The following PSD3 variants were observed in gnomAD, a reference collection of about 807,000 sequenced individuals.
PSD3 encodes the protein PH and SEC7 domain-containing protein 3.
Under a neutral mutation model 105.5 loss-of-function variants are expected in PSD3, and 49 were observed. The observed-to-expected ratio is 0.46, with a 90% CI of 0.37 to 0.59. The LOEUF (loss-of-function observed/expected upper bound fraction) is 0.59, where lower values mean the gene tolerates loss of function less well. Ranked by LOEUF, PSD3 falls within the 20% of genes least tolerant of loss-of-function variation. The pLI, the probability that PSD3 is intolerant of heterozygous loss-of-function variation, is 0.00. For synonymous variants in PSD3, 557 were observed against 457.8 expected, an observed-to-expected ratio of 1.22 and a Z score of -2.77; for missense variants, 1,561 against 1,263.8, an observed-to-expected ratio of 1.24 and a Z score of -3.57.
intron 2 of PSD3, among the ~76,000 whole-genome samples, chr8:18,904,301 G>A (rs1352728191): frequency 6.6e-6 from 1 of 152,154 alleles, no homozygotes; most frequent in African/African-American, 2.4e-5. Context: ...CAACCTTATA[G>A]ACCCCAGGAT....
chr8:18,577,811 C>T (rs1303814498), intron 12 of PSD3, among the ~76,000 whole-genome samples: 6 of 152,078 alleles, frequency 3.9e-5, no homozygotes, highest in African/African-American at 1.2e-4. Flanking sequence ...TTAGATTATA[C>T]ATTCTGAGTC....
At chr8:19,044,261 C>A (rs1399499679) in intron 1 of PSD3, among the ~76,000 whole-genome samples, 1 of 152,186 alleles carries the variant, frequency 6.6e-6, no homozygotes, top group East Asian at 1.9e-4. Flanking sequence ...TGAATTACTG[C>A]TCCGGTCTCC....
At chr8:19,067,937 T>G (rs1245315958) in intron 1 of PSD3, among the ~76,000 whole-genome samples, 2 of 152,202 alleles carry the variant, frequency 1.3e-5, no homozygotes, top group South Asian at 4.1e-4. Context: ...GTGGGACCCT[T>G]GTGGGTACGA....
chr8:18,963,452 C>T (rs542056225), intron 1 of PSD3, among the ~76,000 whole-genome samples: 27 of 152,284 alleles, frequency 1.8e-4, no homozygotes, highest in African/African-American at 4.8e-4. Context: ...AGAATCTTAG[C>T]ATTTTCTCTT....
At chr8:18,995,174 C>T (rs1826008076) in intron 1 of PSD3, among the ~76,000 whole-genome samples, 1 of 152,158 alleles carries the variant, frequency 6.6e-6, no homozygotes, top group Non-Finnish European at 1.5e-5. Context: ...AAATTGGCCC[C>T]AGTACTGGGA....
chr8:18,762,373 C>T (rs1320950137), intron 9 of PSD3, among the ~76,000 whole-genome samples: 1 of 152,190 alleles, frequency 6.6e-6, no homozygotes, highest in Non-Finnish European at 1.5e-5. Context: ...CAGATGCCAG[C>T]ATCAGGCTTT....
chr8:18,812,040 G>GAAGCCATAGGAA (rs1203825195), intron 4 of PSD3, among the ~76,000 whole-genome samples: 1 of 151,952 alleles, frequency 6.6e-6, no homozygotes, highest in Non-Finnish European at 1.5e-5. Flanking sequence ...TGTGCCTCTG[G>GAAGCCATAGGAA]GCCATATGAC....
chr8:18,651,606 G>A (rs1808486429), intron 10 of PSD3, among the ~76,000 whole-genome samples: 1 of 152,156 alleles, frequency 6.6e-6, no homozygotes, highest in Non-Finnish European at 1.5e-5. Context: ...TTTCCTTAAA[G>A]AGCTTACAAT....
intron 4 of PSD3, among the ~76,000 whole-genome samples, chr8:18,828,957 C>A (rs1002400277): frequency 1.3e-5 from 2 of 151,992 alleles, no homozygotes; most frequent in Admixed American, 6.6e-5. Flanking sequence ...ATATAAAATT[C>A]AGTTACTAAG....
chr8:18,944,204 G>A (rs1586491050), intron 1 of PSD3, among the ~76,000 whole-genome samples: 1 of 152,152 alleles, frequency 6.6e-6, no homozygotes, highest in African/African-American at 2.4e-5. Flanking sequence ...CTTTCACTTT[G>A]TCCAATTACA....
At chr8:18,914,199 G>GAAAA (rs60489138) in intron 2 of PSD3, among the ~76,000 whole-genome samples, 4 of 138,124 alleles carry the variant, frequency 2.9e-5, no homozygotes, top group Admixed American at 7.2e-5. Flanking sequence ...TCATGATAAA[G>GAAAA]AAAAAAAAAA....
chr8:18,797,972 G>C (rs1335160726), intron 8 of PSD3, among the ~76,000 whole-genome samples: 1 of 152,122 alleles, frequency 6.6e-6, no homozygotes, highest in Non-Finnish European at 1.5e-5. Flanking sequence ...CTAAGGAAAA[G>C]AAGGGTGCAA....
rs182236381 is a variant in PSD3 at position 18,889,113 on chromosome 8, A to C, written c.131-16380T>G. On this transcript the variant is annotated intron_variant, in intron 2 of 15. Coordinates refer to ENST00000327040, the MANE Select transcript of PSD3 (RefSeq NM_015310.4). ...CTTTAGTTAACACTTACTTTGACTA[A>C]CCCCCTAAAACACCATTTCAAAACG... is the stretch of plus-strand genomic sequence containing the variant. Among the ~76,000 whole-genome samples the C allele has an allele frequency of 3.9e-3, 587 of 152,058 alleles. 6 individuals carry two copies. The highest frequency in any genetic ancestry group is 0.014 in the African/African-American group (571 of 41,444).
intron 10 of PSD3, among the ~76,000 whole-genome samples, chr8:18,647,923 C>G (rs1808172057): frequency 2.0e-5 from 3 of 152,170 alleles, no homozygotes; most frequent in Non-Finnish European, 4.4e-5. Context: ...TGCCAGCTCC[C>G]CCTTCACTTT....
chr8:18,542,632 G>A (rs1453335946), intron 15 of PSD3, among the ~76,000 whole-genome samples: 1 of 152,108 alleles, frequency 6.6e-6, no homozygotes, highest in Admixed American at 6.6e-5. Flanking sequence ...AATGAGATGG[G>A]ATGTTTAATA....
chr8:18,567,854 T>A (rs1410474754), intron 14 of PSD3, among the ~76,000 whole-genome samples: 1 of 152,220 alleles, frequency 6.6e-6, no homozygotes. Flanking sequence ...AATCTCATGT[T>A]GTAATGTGAT....
intron 9 of PSD3, among the ~76,000 whole-genome samples, chr8:18,721,551 A>G (rs1035166546): frequency 1.3e-5 from 2 of 152,204 alleles, no homozygotes; most frequent in East Asian, 1.9e-4. Flanking sequence ...TTTATACATG[A>G]GGAAGGTGAT....
intron 9 of PSD3, among the ~76,000 whole-genome samples, chr8:18,681,939 C>T (rs1303299489): frequency 6.6e-6 from 1 of 151,878 alleles, no homozygotes; most frequent in East Asian, 1.9e-4. Context: ...CATGTGATGG[C>T]CTACTGACTA....
intron 9 of PSD3, among the ~76,000 whole-genome samples, chr8:18,672,559 T>C (rs1169543030): frequency 3.3e-5 from 5 of 152,178 alleles, no homozygotes; most frequent in Non-Finnish European, 1.5e-5. Flanking sequence ...GCAAAAGAAA[T>C]TTTAGGGAGC....
Sources: gnomAD v4.1 joint callset for allele counts (sites outside exome capture counted in the v4.1 genomes callset) on GRCh38, gnomAD v4.1.1 for gene constraint, MANE v1.5 for transcripts, NCBI Gene and HGNC (gene_info 2026-07-23, HGNC 2026-07-21) for gene names.